The following RPH3AL variants were observed in gnomAD, a reference collection of about 807,000 sequenced individuals.
RPH3AL encodes the protein rabphilin 3A like (without C2 domains), also known as rab effector Noc2.
RPH3AL carries 38 observed loss-of-function variants against 43.1 expected under a neutral mutation model. That is an observed-to-expected ratio of 0.88 (90% confidence interval 0.68 to 1.15). RPH3AL has a LOEUF of 1.15. Ranked by LOEUF, RPH3AL falls within the 50% of genes most tolerant of loss-of-function variation. The pLI, the probability that RPH3AL is intolerant of heterozygous loss-of-function variation, is 0.00. For synonymous variants in RPH3AL, 189 were observed against 176.3 expected (o/e 1.07, Z -0.57); for missense variants, 462 against 423.2 (o/e 1.09, Z -0.81).
intron 7 of RPH3AL, among the ~76,000 whole-genome samples, chr17:220,677 A>G (rs367994368): frequency 8.1e-5 from 6 of 74,488 alleles, no homozygotes; most frequent in Non-Finnish European, 1.3e-4. Context: ...AGACCCAAGC[A>G]CAACAGCTCT....
intron 3 of RPH3AL, 114 bp downstream of exon 3, chr17:327,353 C>A: frequency 1.1e-6 from 1 of 910,564 alleles, no homozygotes; most frequent in Non-Finnish European, 1.8e-6. Context: ...ATCCGACAGG[C>A]ACCTCTCTCC....
At chr17:251,548 G>T (rs1555542577) in intron 6 of RPH3AL, among the ~76,000 whole-genome samples, 1 of 152,220 alleles carries the variant, frequency 6.6e-6, no homozygotes, top group East Asian at 1.9e-4. Context: ...AACTGCAGTT[G>T]AGTGGTGAAT....
At chr17:259,706 G>A (rs1372508532) in intron 6 of RPH3AL, among the ~76,000 whole-genome samples, 4 of 152,240 alleles carry the variant, frequency 2.6e-5, no homozygotes, top group African/African-American at 7.2e-5. Context: ...ACCCACAGCC[G>A]CCGTGGCGGT....
chr17:222,897 A>G (rs956737142), intron 7 of RPH3AL, among the ~76,000 whole-genome samples: 6 of 152,160 alleles, frequency 3.9e-5, no homozygotes, highest in African/African-American at 1.4e-4. Flanking sequence ...GCCTCCATCA[A>G]TACTTTCCAG....
At chr17:266,180 AGAT>A (rs2042315167) in intron 6 of RPH3AL, among the ~76,000 whole-genome samples, 1 of 152,076 alleles carries the variant, frequency 6.6e-6, no homozygotes, top group East Asian at 1.9e-4. Context: ...GTGTTTTAAA[AGAT>A]GACACTTTAA....
At chr17:278,296 C>T (rs1042379116) in intron 6 of RPH3AL, among the ~76,000 whole-genome samples, 8 of 152,162 alleles carry the variant, frequency 5.3e-5, no homozygotes, top group African/African-American at 1.4e-4. Context: ...CGCCTTCCGC[C>T]GTGATTGTGA....
At chr17:318,590 C>G (rs2044368334) in intron 5 of RPH3AL, among the ~76,000 whole-genome samples, 1 of 147,436 alleles carries the variant, frequency 6.8e-6, no homozygotes, top group Non-Finnish European at 1.5e-5. Context: ...GGGTTTATGC[C>G]AGGAAAAAAA....
intron 3 of RPH3AL, chr17:321,655 T>A (rs2044482421): frequency 2.2e-6 from 1 of 459,584 alleles, no homozygotes; most frequent in Non-Finnish European, 3.8e-6. Flanking sequence ...GGGTTGGGAT[T>A]GCGGGCAACA....
At chr17:336,547 C>T (rs1326685932) in intron 1 of RPH3AL, among the ~76,000 whole-genome samples, 3 of 152,180 alleles carry the variant, frequency 2.0e-5, no homozygotes, top group African/African-American at 7.2e-5. Flanking sequence ...CTTGCCCAGA[C>T]CGTGGCAAAT....
At chr17:297,664 A>G (rs1427199443) in intron 5 of RPH3AL, among the ~76,000 whole-genome samples, 2 of 152,258 alleles carry the variant, frequency 1.3e-5, no homozygotes, top group Admixed American at 6.5e-5. Flanking sequence ...GTTTTCCTCT[A>G]TTTTCAGAGC....
intron 3 of RPH3AL, 118 bp downstream of exon 3, chr17:327,349 C>A: frequency 1.1e-6 from 1 of 880,880 alleles, no homozygotes; most frequent in Admixed American, 1.8e-5. Flanking sequence ...ATGCATCCGA[C>A]AGGCACCTCT....
intron 5 of RPH3AL, among the ~76,000 whole-genome samples, chr17:298,146 C>G (rs751018066): frequency 3.9e-5 from 6 of 152,116 alleles, no homozygotes; most frequent in Non-Finnish European, 7.4e-5. Flanking sequence ...TGACCCAGTG[C>G]CAGGGTCCAC....
At chr17:259,404 C>T (rs868912934) in intron 6 of RPH3AL, among the ~76,000 whole-genome samples, 3 of 152,198 alleles carry the variant, frequency 2.0e-5, no homozygotes, top group African/African-American at 4.8e-5. Flanking sequence ...CCTGGCTGCC[C>T]GCCCCACTCT....
Position 344,523 on chromosome 17 carries a change from A to G in RPH3AL, c.-213+8189T>C, listed in dbSNP as rs1272081087. On this transcript the variant is annotated intron_variant, in intron 1 of 9. Coordinates refer to ENST00000331302, the MANE Select transcript of RPH3AL (RefSeq NM_006987.4). ...CTGTGTCACCACCACCATCATCACT[A>G]TCATCATCACCATCATCATGATCAC... Among the ~76,000 whole-genome samples, 3 of 131,234 alleles carry G rather than the reference A, an allele frequency of 2.3e-5. 1 individual carries two copies. The highest frequency in any genetic ancestry group is 3.4e-5 in the Non-Finnish European group (2 of 58,336). The allele number at this position is 131,234 out of a possible 152,430, so 86.1% of individuals were successfully genotyped here.
In RPH3AL at chr17:294,873, T is replaced by A. The variant is rs866418504; in HGVS notation, c.352-13019A>T. ...CACATCAGTGTGGGAGGGACAGAGA[T>A]GCTGCAGAAATGGACAGCAGAGGGA... On this transcript the variant is annotated intron_variant, in intron 5 of 9. Coordinates refer to ENST00000331302, the MANE Select transcript of RPH3AL (RefSeq NM_006987.4). 1.7e-3 allele frequency among the ~76,000 whole-genome samples: 36 copies of A among 20,894 alleles called. No homozygotes were observed. The South Asian group carries it at 0.02, about 12-fold the overall frequency. The allele number at this position is 20,894 out of a possible 152,430, so 13.7% of individuals were successfully genotyped here. A position where few individuals can be genotyped will look rare whatever the true frequency, so the allele number is the denominator to read the frequency against.
intron 6 of RPH3AL, among the ~76,000 whole-genome samples, chr17:262,901 G>A (rs1016673452): frequency 4.6e-5 from 7 of 152,176 alleles, no homozygotes; most frequent in Non-Finnish European, 1.0e-4. Flanking sequence ...AAAGGCTGTG[G>A]ATGTGTTTTC....
At chr17:320,477 A>G (rs553238633) in intron 4 of RPH3AL, among the ~76,000 whole-genome samples, 1 of 152,100 alleles carries the variant, frequency 6.6e-6, no homozygotes, top group Non-Finnish European at 1.5e-5. Context: ...CTCTACAAAA[A>G]AAATAAAATA....
intron 6 of RPH3AL, among the ~76,000 whole-genome samples, chr17:249,192 G>A (rs2041832445): frequency 6.6e-6 from 1 of 152,110 alleles, no homozygotes; most frequent in African/African-American, 2.4e-5. Context: ...AGGAGGGGTG[G>A]GAGCCTGTAA....
chr17:316,957 C>G (rs1458885144), intron 5 of RPH3AL, among the ~76,000 whole-genome samples: 1 of 147,868 alleles, frequency 6.8e-6, no homozygotes, highest in Non-Finnish European at 1.5e-5. Flanking sequence ...CCTGTAGTCT[C>G]TCTACACCCA....
Sources: allele counts gnomAD v4.1 joint callset (sites outside exome capture counted in the v4.1 genomes callset), GRCh38; gene constraint gnomAD v4.1.1; transcripts MANE v1.5; gene names NCBI Gene and HGNC (gene_info 2026-07-23, HGNC 2026-07-21).